Variants in KIF6 observed in about 807,000 individuals in gnomAD.
The protein encoded by KIF6 is kinesin family member 6.
Under a neutral mutation model 112.7 loss-of-function variants are expected in KIF6, and 106 were observed. The ratio of observed to expected loss-of-function variants is 0.94; its 90% CI spans 0.80 to 1.11. KIF6 has a LOEUF of 1.11. Among genes scored for constraint, KIF6 ranks in the 50% least tolerant of loss-of-function variants. The probability of loss-of-function intolerance (pLI) is 0.00; values close to 1 mark genes in which losing one functional copy is unlikely to be tolerated. For missense variants in KIF6, 929 were observed against 964.0 expected, an observed-to-expected ratio of 0.96 and a Z score of 0.48; for synonymous variants, 339 against 339.9, an observed-to-expected ratio of 1.00 and a Z score of 0.03.
At chr6:39,640,600 G>A (rs1784851433) in intron 3 of KIF6, among the ~76,000 whole-genome samples, 1 of 151,902 alleles carries the variant, frequency 6.6e-6, no homozygotes, top group Non-Finnish European at 1.5e-5. Context: ...TTTGATAGAT[G>A]GCTCCTCTGA....
At chr6:39,568,159 G>C (rs1780418247) in intron 10 of KIF6, among the ~76,000 whole-genome samples, 1 of 152,226 alleles carries the variant, frequency 6.6e-6, no homozygotes, top group South Asian at 2.1e-4. Context: ...AAAGCAGGGA[G>C]AGATTGACAA....
rs764495844 is a variant in KIF6, at chr6:39,586,218, TA to T, written c.990+42del. The T allele has an allele frequency of 3.1e-6, 5 of 1,610,132 alleles. No individual in the cohort carries two copies. In the East Asian group the frequency reaches 8.9e-5, roughly 29 times the overall value. ...TCAACTCCGTCTCACGTGCTAGCAG[TA>T]AAAACCTAGATTAAGATCTCCAGAA... On this transcript the variant is annotated intron_variant, in intron 8 of 22. Transcript: ENST00000287152.
At chr6:39,678,191 T>C (rs1233655278) in intron 3 of KIF6, among the ~76,000 whole-genome samples, 1 of 151,848 alleles carries the variant, frequency 6.6e-6, no homozygotes, top group Non-Finnish European at 1.5e-5. Context: ...GGAACACTTT[T>C]ACACTGTTGG....
At chr6:39,438,018 C>T (rs1315933424) in intron 13 of KIF6, among the ~76,000 whole-genome samples, 3 of 152,168 alleles carry the variant, frequency 2.0e-5, no homozygotes, top group African/African-American at 7.2e-5. Flanking sequence ...ACTCTTGTTG[C>T]CCAGGCAGGA....
At chr6:39,477,491 G>A (rs1168897641) in intron 13 of KIF6, among the ~76,000 whole-genome samples, 1 of 152,142 alleles carries the variant, frequency 6.6e-6, no homozygotes, top group African/African-American at 2.4e-5. Context: ...AAACGATAAG[G>A]GGCTGGTTCT....
At chr6:39,612,368 A>T (rs1783262219) in intron 6 of KIF6, among the ~76,000 whole-genome samples, 1 of 152,056 alleles carries the variant, frequency 6.6e-6, no homozygotes, top group Admixed American at 6.6e-5. Context: ...TCATTTGGGG[A>T]ACTGTTCCCA....
chr6:39,577,167 G>A (rs1444188070), intron 10 of KIF6, among the ~76,000 whole-genome samples: 1 of 152,308 alleles, frequency 6.6e-6, no homozygotes, highest in African/African-American at 2.4e-5. Flanking sequence ...CTGGAATTAG[G>A]AAACACTACC....
chr6:39,650,521 TTA>T (rs1166652766), intron 3 of KIF6, among the ~76,000 whole-genome samples: 7 of 151,574 alleles, frequency 4.6e-5, no homozygotes, highest in African/African-American at 1.7e-4. Flanking sequence ...ATACATTATT[TTA>T]TCTTATTTAC....
chr6:39,399,679 T>C (rs1410484), intron 15 of KIF6, among the ~76,000 whole-genome samples: 137,410 of 152,290 alleles, frequency 0.9, 62,506 homozygotes, highest in East Asian at 1. Context: ...CTGTGTCCAC[T>C]GCAGGTTTTT....
chr6:39,518,950 A>G (rs181637017), intron 13 of KIF6, among the ~76,000 whole-genome samples: 8 of 152,374 alleles, frequency 5.3e-5, no homozygotes, highest in African/African-American at 1.9e-4. Context: ...CTCATCATGC[A>G]GTGAAGATGG....
intron 13 of KIF6, among the ~76,000 whole-genome samples, chr6:39,504,001 T>C (rs1023693120): frequency 5.3e-5 from 8 of 152,174 alleles, no homozygotes; most frequent in Non-Finnish European, 1.2e-4. Flanking sequence ...TCCTAACTCA[T>C]TTTATGAGGC....
chr6:39,699,466 A>T (rs1788745837), intron 3 of KIF6, among the ~76,000 whole-genome samples: 1 of 152,212 alleles, frequency 6.6e-6, no homozygotes, highest in Non-Finnish European at 1.5e-5. Context: ...GCTGAAGCAG[A>T]GTAAGCAAAA....
chr6:39,380,227 T>C (rs1033816099), intron 16 of KIF6, among the ~76,000 whole-genome samples: 1 of 152,178 alleles, frequency 6.6e-6, no homozygotes, highest in Non-Finnish European at 1.5e-5. Context: ...CCTGAAATAG[T>C]GTGTGGGAGT....
chr6:39,429,692 G>A (rs1240275075), intron 14 of KIF6, among the ~76,000 whole-genome samples: 9 of 152,112 alleles, frequency 5.9e-5, no homozygotes, highest in East Asian at 3.9e-4. Flanking sequence ...GGCGGAACAC[G>A]AGGTCAGCAG....
At chr6:39,615,212 G>A (rs1783443796) in intron 5 of KIF6, among the ~76,000 whole-genome samples, 3 of 151,726 alleles carry the variant, frequency 2.0e-5, no homozygotes, top group Admixed American at 2.0e-4. Flanking sequence ...AAGAGAGAGA[G>A]AGAAAAGAAG....
Position 39,342,537 on chromosome 6 carries a change from A to ATACCTATC in KIF6, c.2428+1164_2428+1171dup, listed in dbSNP as rs11281392. On this transcript the variant is annotated intron_variant, in intron 22 of 22. Coordinates refer to ENST00000287152, the MANE Select transcript of KIF6 (RefSeq NM_145027.6). The surrounding 1 kb of genome is among the most constrained non-coding windows in gnomAD (Gnocchi z 4.7). ...GCTGTTCATTGCTGTTCAGTGCCTGATACCTATCATCAGAGTATTTGGGGC... is the reference window on the plus strand; with the variant it reads ...GCTGTTCATTGCTGTTCAGTGCCTGATACCTATCTACCTATCATCAGAGTATTTGGGGC... Among the ~76,000 whole-genome samples the ATACCTATC allele has an allele frequency of 0.017, 2,518 of 151,236 alleles. 70 individuals carry two copies. The highest frequency in any genetic ancestry group is 0.058 in the African/African-American group (2,369 of 40,852).
chr6:39,704,863 G>A (rs187711420), intron 3 of KIF6, among the ~76,000 whole-genome samples: 10 of 152,290 alleles, frequency 6.6e-5, no homozygotes, highest in African/African-American at 9.6e-5. Context: ...AACTTGTAAC[G>A]TTCCTGTGAA....
rs1562112767 is a variant in KIF6, at chr6:39,346,078, C to CTCTCTT, written c.2232-290_2232-289insAAGAGA. On this transcript the variant is annotated intron_variant, in intron 20 of 22. Transcript: ENST00000287152. ...TCTCTCTCTCTCTCTCTCTCTCTCT[C>CTCTCTT]TCTCTCTCCCCCCCCTCTCCCTCCC... 2.4e-4 allele frequency among the ~76,000 whole-genome samples: 5 copies of CTCTCTT among 21,154 alleles called. 1 individual carries two copies. The East Asian group carries it at 5.2e-3, about 22-fold the overall frequency. The allele number at this position is 21,154 out of a possible 152,430, so 13.9% of individuals were successfully genotyped here.
intron 16 of KIF6, among the ~76,000 whole-genome samples, chr6:39,372,882 C>T (rs1471292610): frequency 1.3e-5 from 2 of 152,174 alleles, no homozygotes; most frequent in Non-Finnish European, 2.9e-5. Context: ...GCACAGCCAA[C>T]CTTGGTTTCC....
Sources: allele counts gnomAD v4.1 joint callset (sites outside exome capture counted in the v4.1 genomes callset), GRCh38; gene constraint gnomAD v4.1.1; non-coding constraint Gnocchi (gnomAD v3.1); transcripts MANE v1.5; gene names NCBI Gene and HGNC (gene_info 2026-07-23, HGNC 2026-07-21).